The following NRXN3 variants were observed in gnomAD, a reference collection of about 807,000 sequenced individuals.
NRXN3 encodes the protein neurexin 3, also known as neurexin III.
In NRXN3, 32 loss-of-function variants were observed where a neutral mutation model predicts 137.6. That is an observed-to-expected ratio of 0.23 (90% confidence interval 0.18 to 0.31). The LOEUF is 0.31. NRXN3 is among the 10% of genes least tolerant of loss of function. NRXN3 has a pLI of 1.00. For synonymous variants in NRXN3, 798 were observed against 784.5 expected (o/e 1.02, Z -0.29); for missense variants, 1,574 against 2,062.5 (o/e 0.76, Z 4.59).
intron 10 of NRXN3, among the ~76,000 whole-genome samples, chr14:78,844,958 C>T (rs1397500437): frequency 1.3e-5 from 2 of 149,306 alleles, no homozygotes; most frequent in Admixed American, 1.3e-4. Flanking sequence ...TTCATAACCA[C>T]TAGCACATTT....
At chr14:79,519,514 C>A (rs2097037159) in intron 16 of NRXN3, among the ~76,000 whole-genome samples, 1 of 151,692 alleles carries the variant, frequency 6.6e-6, no homozygotes, top group African/African-American at 2.4e-5. Flanking sequence ...TTGTTATTTT[C>A]TCCTGTCAAT....
chr14:78,926,382 A>G (rs2099290917), intron 10 of NRXN3, among the ~76,000 whole-genome samples: 1 of 151,406 alleles, frequency 6.6e-6, no homozygotes. Flanking sequence ...ATTCCATTTA[A>G]TATTTTTGGA....
intron 20 of NRXN3, among the ~76,000 whole-genome samples, chr14:79,828,338 G>A (rs2099311671): frequency 6.6e-6 from 1 of 152,070 alleles, no homozygotes; most frequent in Admixed American, 6.5e-5. Flanking sequence ...AAAGTGACAT[G>A]GCTGGGCATG....
chr14:78,810,731 T>A (rs1167709848), intron 10 of NRXN3, among the ~76,000 whole-genome samples: 2 of 152,230 alleles, frequency 1.3e-5, no homozygotes, highest in East Asian at 3.9e-4. Flanking sequence ...TACCAAACAG[T>A]TTAGAAAATA....
chr14:79,537,876 C>T (rs2097228425), intron 16 of NRXN3, among the ~76,000 whole-genome samples: 1 of 152,170 alleles, frequency 6.6e-6, no homozygotes, highest in Non-Finnish European at 1.5e-5. Flanking sequence ...CACTGACTTC[C>T]ACAATGGTTG....
chr14:79,087,922 GCTT>G (rs2048425053), intron 15 of NRXN3, among the ~76,000 whole-genome samples: 2 of 152,160 alleles, frequency 1.3e-5, no homozygotes, highest in Non-Finnish European at 2.9e-5. Flanking sequence ...TTAATCGCCT[GCTT>G]GTTTGGGAAA....
chr14:79,083,133 A>G (rs1218052010), intron 15 of NRXN3, among the ~76,000 whole-genome samples: 1 of 152,200 alleles, frequency 6.6e-6, no homozygotes, highest in Non-Finnish European at 1.5e-5. Flanking sequence ...ACTGTGTGAG[A>G]TGTTGTACTA....
At chr14:78,510,602 A>G (rs78080070) in intron 4 of NRXN3, among the ~76,000 whole-genome samples, 5,596 of 152,296 alleles carry the variant, frequency 0.037, 313 homozygotes, top group African/African-American at 0.12. Flanking sequence ...CTATTTTGGA[A>G]CTCAAACATT....
chr14:79,802,980 A>G (rs1411105613), intron 19 of NRXN3, among the ~76,000 whole-genome samples: 1 of 152,148 alleles, frequency 6.6e-6, no homozygotes, highest in Admixed American at 6.6e-5. Flanking sequence ...GCAAACCACC[A>G]TCGCACCCAT....
rs2099396700 is a variant in NRXN3, at chr14:79,853,719, T to C, written c.4094-7623T>C. ...TTCTTTAGCATTGTTAAAATTTATG[T>C]GCTGTCATCCATCTCCCTAAATTAA... is the stretch of plus-strand genomic sequence containing the variant. On this transcript the variant is annotated intron_variant, in intron 20 of 20. Transcript: ENST00000335750. 3 of 1,181,816 alleles carry C rather than the reference T, an allele frequency of 2.5e-6. No individual in the cohort carries two copies. In the Admixed American group the frequency reaches 7.7e-5, roughly 30 times the overall value. 73.2% of individuals were successfully genotyped at this position (1,181,816 alleles called of 1,614,324 possible). A position where few individuals can be genotyped will look rare whatever the true frequency, so the allele number is the denominator to read the frequency against.
intron 4 of NRXN3, among the ~76,000 whole-genome samples, chr14:78,426,228 C>T (rs1202857583): frequency 6.6e-6 from 1 of 152,152 alleles, no homozygotes; most frequent in Non-Finnish European, 1.5e-5. Flanking sequence ...TATAGGGTCC[C>T]TTACAGGGTG....
At position 78,194,619 on chromosome 14, in the gene NRXN3, G is replaced by C. The variant is rs1223922641; in HGVS notation, c.-704+23945G>C. On this transcript the variant is annotated intron_variant, in intron 1 of 20. Transcript: ENST00000335750. ...ATCTACCATGGTTGCCTAGGGCCTT[G>C]GGAAGAGTGGGAGAGCTACCTATGC... 2.6e-5 allele frequency among the ~76,000 whole-genome samples: 4 copies of C among 152,206 alleles called. No homozygotes were observed. In the South Asian group the frequency reaches 8.3e-4, roughly 32 times the overall value.
chr14:79,576,281 C>G (rs2097664273), intron 16 of NRXN3, among the ~76,000 whole-genome samples: 1 of 152,122 alleles, frequency 6.6e-6, no homozygotes, highest in South Asian at 2.1e-4. Flanking sequence ...GTCAAAAGCT[C>G]TGTTGGATAT....
intron 1 of NRXN3, among the ~76,000 whole-genome samples, chr14:78,202,169 G>A (rs2153396515): frequency 6.6e-6 from 1 of 152,312 alleles, no homozygotes; most frequent in African/African-American, 2.4e-5. Flanking sequence ...TGCCATCCTG[G>A]GTGAAGTAGG....
chr14:79,521,554 A>G (rs2097065008), intron 16 of NRXN3, among the ~76,000 whole-genome samples: 1 of 152,152 alleles, frequency 6.6e-6, no homozygotes, highest in Non-Finnish European at 1.5e-5. Context: ...TGAGCAGTGA[A>G]TCATCTTTCT....
At chr14:78,408,722 C>T (rs1166920063) in intron 4 of NRXN3, among the ~76,000 whole-genome samples, 2 of 152,164 alleles carry the variant, frequency 1.3e-5, no homozygotes, top group African/African-American at 2.4e-5. Context: ...AAAATTCTCA[C>T]GAGGGTGATG....
At chr14:78,496,359 CT>C (rs2095785561) in intron 4 of NRXN3, among the ~76,000 whole-genome samples, 1 of 152,136 alleles carries the variant, frequency 6.6e-6, no homozygotes, top group African/African-American at 2.4e-5. Context: ...AGTTTTCTTC[CT>C]ACATATTTTG....
chr14:78,736,136 C>T (rs1223387897), intron 8 of NRXN3, among the ~76,000 whole-genome samples: 1 of 121,130 alleles, frequency 8.3e-6, no homozygotes, highest in Non-Finnish European at 2.0e-5. Flanking sequence ...CACATAGATC[C>T]ATGTATCTTA....
At chr14:78,432,369 A>T (rs2093917582) in intron 4 of NRXN3, among the ~76,000 whole-genome samples, 1 of 145,970 alleles carries the variant, frequency 6.9e-6, no homozygotes, top group African/African-American at 2.6e-5. Context: ...GTCTCCTTTT[A>T]TCTAAAGGTG....
Sources: gnomAD v4.1 joint callset for allele counts (sites outside exome capture counted in the v4.1 genomes callset) on GRCh38, gnomAD v4.1.1 for gene constraint, MANE v1.5 for transcripts, NCBI Gene and HGNC (gene_info 2026-07-23, HGNC 2026-07-21) for gene names.